The following B3GALT1 variants were observed in gnomAD, a reference collection of about 807,000 sequenced individuals.
B3GALT1 encodes UDP-Gal:betaGlcNAc beta 1,3-galactosyltransferase, polypeptide 1.
In B3GALT1, 10 loss-of-function variants were observed where a neutral mutation model predicts 23.2. The ratio of observed to expected loss-of-function variants is 0.43; its 90% CI spans 0.27 to 0.73. The LOEUF is 0.73. B3GALT1 is among the 30% of genes least tolerant of loss of function. B3GALT1 has a pLI of 0.21. For synonymous variants in B3GALT1, 156 were observed against 141.5 expected, an observed-to-expected ratio of 1.10 and a Z score of -0.73; for missense variants, 299 against 405.4, an observed-to-expected ratio of 0.74 and a Z score of 2.25.
At chr2:167,729,266 A>G (rs1231000067) in intron 3 of B3GALT1, among the ~76,000 whole-genome samples, 2 of 152,232 alleles carry the variant, frequency 1.3e-5, no homozygotes, top group Non-Finnish European at 2.9e-5. Context: ...GCTAACAAGA[A>G]TGATGGAGGA....
At chr2:167,563,871 T>G (rs1332332363) in intron 2 of B3GALT1, among the ~76,000 whole-genome samples, 3 of 114,458 alleles carry the variant, frequency 2.6e-5, no homozygotes, top group Non-Finnish European at 5.5e-5. Flanking sequence ...GAGGCGCCCC[T>G]CATCTGCCGG....
At chr2:167,368,330 A>C (rs965639938) in intron 1 of B3GALT1, among the ~76,000 whole-genome samples, 1 of 151,850 alleles carries the variant, frequency 6.6e-6, no homozygotes, top group African/African-American at 2.4e-5. Flanking sequence ...TTAAATACGG[A>C]AACTATTAAG....
At chr2:167,459,295 T>C (rs1699220149) in intron 1 of B3GALT1, among the ~76,000 whole-genome samples, 1 of 152,166 alleles carries the variant, frequency 6.6e-6, no homozygotes. Flanking sequence ...ATTTTCTGTG[T>C]GGTTACCACA....
chr2:167,400,831 A>T (rs925718407), intron 1 of B3GALT1, among the ~76,000 whole-genome samples: 1 of 152,146 alleles, frequency 6.6e-6, no homozygotes, highest in Non-Finnish European at 1.5e-5. Context: ...TGTGTAGGAA[A>T]TGTATCCCAA....
At chr2:167,804,403 T>G (rs59981188) in intron 3 of B3GALT1, among the ~76,000 whole-genome samples, 5,483 of 152,160 alleles carry the variant, frequency 0.036, 367 homozygotes, top group African/African-American at 0.13. Flanking sequence ...TGTATACATG[T>G]GCCATGTTGG....
At chr2:167,830,771 G>A (rs911606653) in intron 4 of B3GALT1, among the ~76,000 whole-genome samples, 2 of 152,228 alleles carry the variant, frequency 1.3e-5, no homozygotes, top group South Asian at 4.1e-4. Flanking sequence ...AAATTAGCAA[G>A]TCAACAAGTC....
intron 1 of B3GALT1, among the ~76,000 whole-genome samples, chr2:167,442,726 GT>G (rs1698915277): frequency 6.8e-6 from 1 of 147,494 alleles, no homozygotes; most frequent in South Asian, 2.2e-4. Flanking sequence ...TGATGGGGTT[GT>G]TTTTTTCTTG....
At position 167,375,017 on chromosome 2, in the gene B3GALT1, C is replaced by T. The variant is rs187962206; in HGVS notation, c.-511+81683C>T. 6.6e-5 allele frequency among the ~76,000 whole-genome samples: 10 copies of T among 152,070 alleles called. No individual in the cohort carries two copies. The East Asian group carries it at 1.5e-3, about 24-fold the overall frequency. ...ATCTTGAGTTCATTTTTGGATATGGCGAAAGATAGGGGTCCAGTTTCATTC... is the reference window on the plus strand; with the variant it reads ...ATCTTGAGTTCATTTTTGGATATGGTGAAAGATAGGGGTCCAGTTTCATTC... On this transcript the variant is annotated intron_variant, in intron 1 of 4. Coordinates refer to ENST00000392690, the MANE Select transcript of B3GALT1 (RefSeq NM_020981.4).
intron 2 of B3GALT1, among the ~76,000 whole-genome samples, chr2:167,501,718 C>G (rs1429357093): frequency 2.3e-4 from 15 of 65,406 alleles, no homozygotes; most frequent in East Asian, 1.4e-3. Context: ...TCTACAGTGG[C>G]AAAAAAAAAA....
chr2:167,551,052 G>A (rs947033184), intron 2 of B3GALT1, among the ~76,000 whole-genome samples: 11 of 133,564 alleles, frequency 8.2e-5, no homozygotes, highest in African/African-American at 3.5e-4. Flanking sequence ...TGGTGATGTC[G>A]GATTGCCCAG....
At chr2:167,348,438 G>A (rs11884206) in intron 1 of B3GALT1, among the ~76,000 whole-genome samples, 14,740 of 152,050 alleles carry the variant, frequency 0.097, 939 homozygotes, top group African/African-American at 0.17. Flanking sequence ...ATAAAACTTC[G>A]TAATATAAAT....
At chr2:167,519,841 G>A (rs1700161182) in intron 2 of B3GALT1, among the ~76,000 whole-genome samples, 1 of 152,094 alleles carries the variant, frequency 6.6e-6, no homozygotes, top group Non-Finnish European at 1.5e-5. Flanking sequence ...GGAGGCCAAG[G>A]CAGGTAGATC....
intron 3 of B3GALT1, among the ~76,000 whole-genome samples, chr2:167,727,987 C>A (rs1479167754): frequency 6.6e-6 from 1 of 152,202 alleles, no homozygotes; most frequent in African/African-American, 2.4e-5. Flanking sequence ...TGGTTTTGAA[C>A]CTTCTGCAAT....
At chr2:167,598,859 G>A (rs932317328) in intron 2 of B3GALT1, among the ~76,000 whole-genome samples, 5 of 152,078 alleles carry the variant, frequency 3.3e-5, no homozygotes, top group Non-Finnish European at 7.4e-5. Flanking sequence ...AAACTCGATC[G>A]TAAGAGTGGG....
In B3GALT1 at chr2:167,838,876, C is replaced by T. The variant is rs1034036369; in HGVS notation, c.-230+20083C>T. Among the ~76,000 whole-genome samples the T allele has an allele frequency of 3.9e-4, 60 of 152,232 alleles. 1 individual carries two copies. Among genetic ancestry groups the T allele is most frequent in the East Asian group, 2.9e-3 (15 of 5,182 alleles). On this transcript the variant is annotated intron_variant, in intron 4 of 4. Coordinates refer to ENST00000392690, the MANE Select transcript of B3GALT1 (RefSeq NM_020981.4). ...TGGGATGCAAGGCTGGTTCAATATA[C>T]GCAAATCAATATATGTAATCCAGCA...
At chr2:167,338,026 G>A in intron 1 of B3GALT1, among the ~76,000 whole-genome samples, 1 of 152,110 alleles carries the variant, frequency 6.6e-6, no homozygotes, top group South Asian at 2.1e-4. Flanking sequence ...ACATTCTTCT[G>A]TGTGACTGAA....
chr2:167,838,484 T>C (rs969687271), intron 4 of B3GALT1, among the ~76,000 whole-genome samples: 12 of 152,400 alleles, frequency 7.9e-5, no homozygotes, highest in Admixed American at 5.9e-4. Context: ...CAGGAAGAAG[T>C]TGAATCTCTG....
intron 3 of B3GALT1, among the ~76,000 whole-genome samples, chr2:167,692,463 TG>T (rs1384951710): frequency 6.6e-6 from 1 of 152,168 alleles, no homozygotes; most frequent in African/African-American, 2.4e-5. Context: ...TATTAGTATA[TG>T]TGTAAATATG....
chr2:167,713,999 C>T (rs1687104109), intron 3 of B3GALT1: 19 of 1,549,108 alleles, frequency 1.2e-5, no homozygotes, highest in East Asian at 2.3e-5. Flanking sequence ...AGGAATAAAG[C>T]CGGGGCCAGT....
Sources: allele counts gnomAD v4.1 joint callset (sites outside exome capture counted in the v4.1 genomes callset), GRCh38; gene constraint gnomAD v4.1.1; transcripts MANE v1.5; gene names NCBI Gene and HGNC (gene_info 2026-07-23, HGNC 2026-07-21).